The following EXT2 variants were observed in gnomAD, a reference collection of about 807,000 sequenced individuals.
The protein encoded by EXT2 is exostosin glycosyltransferase 2, also known as exostosin-2.
EXT2 carries 53 observed loss-of-function variants against 81.6 expected under a neutral mutation model. That is an observed-to-expected ratio of 0.65 (90% confidence interval 0.52 to 0.82). The LOEUF (loss-of-function observed/expected upper bound fraction) is 0.82, where lower values mean the gene tolerates loss of function less well. EXT2 is among the 40% of genes least tolerant of loss of function. The probability of loss-of-function intolerance (pLI) is 0.00; values close to 1 mark genes in which losing one functional copy is unlikely to be tolerated. For synonymous variants in EXT2, 320 were observed against 340.0 expected (o/e 0.94, Z 0.65); for missense variants, 774 against 910.2 (o/e 0.85, Z 1.93).
In EXT2 at chr11:44,108,135, C is replaced by A; in HGVS notation, c.423C>A (p.Asp141Glu). ...NELLMAISDSDYYTDDINRAC... is the reference protein window; with the variant it reads ...NELLMAISDSEYYTDDINRAC... Reference sequence around the variant, plus strand: ...TGCTCATGGCCATCTCAGACAGTGACTACTACACTGATGACATCAACCGGG... The same window carrying A: ...TGCTCATGGCCATCTCAGACAGTGAATACTACACTGATGACATCAACCGGG... The change falls in exon 2 of 14, where the codon GAC (aspartate) becomes GAA (glutamate). Residue 141 changes from aspartate to glutamate, a missense_variant. By Grantham distance (45) the Asp-to-Glu change is conservative. Coordinates refer to ENST00000533608, the MANE Select transcript of EXT2 (RefSeq NM_207122.2). 1 of 1,614,186 alleles carries A rather than the reference C, an allele frequency of 6.2e-7. No individual in the cohort carries two copies. The highest frequency in any genetic ancestry group is 8.5e-7 in the Non-Finnish European group (1 of 1,180,030).
intron 13 of EXT2, among the ~76,000 whole-genome samples, chr11:44,242,091 C>G (rs1020646590): frequency 1.3e-5 from 2 of 152,200 alleles, no homozygotes; most frequent in Non-Finnish European, 2.9e-5. Flanking sequence ...CCTCAATACT[C>G]TCTACAGGGC....
At chr11:44,226,958 C>T (rs984050701) in intron 10 of EXT2, among the ~76,000 whole-genome samples, 4 of 152,242 alleles carry the variant, frequency 2.6e-5, no homozygotes, top group Non-Finnish European at 5.9e-5. Flanking sequence ...TTCCATTTCT[C>T]TCACTACTTC....
At chr11:44,162,525 G>A (rs945956779) in intron 7 of EXT2, among the ~76,000 whole-genome samples, 2 of 145,784 alleles carry the variant, frequency 1.4e-5, no homozygotes, top group East Asian at 2.0e-4. Flanking sequence ...GCAGTGAGCC[G>A]AGATCGCACC....
intron 7 of EXT2, among the ~76,000 whole-genome samples, chr11:44,155,795 A>G (rs545648141): frequency 1.3e-5 from 2 of 152,152 alleles, no homozygotes; most frequent in Non-Finnish European, 2.9e-5. Flanking sequence ...GTGTTATAAT[A>G]TTCTGTGTGT....
At chr11:44,236,253 G>T in intron 12 of EXT2, 40 bp from the exon 13 acceptor site, 1 of 1,584,120 alleles carries the variant, frequency 6.3e-7, no homozygotes, top group South Asian at 1.1e-5. Flanking sequence ...TATTGTCCTT[G>T]ACACTGACAG....
At chr11:44,180,301 C>T (rs541613026) in intron 8 of EXT2, among the ~76,000 whole-genome samples, 9 of 152,112 alleles carry the variant, frequency 5.9e-5, no homozygotes, top group Non-Finnish European at 1.3e-4. Flanking sequence ...ACCGTTATGA[C>T]TGTGTCATCA....
intron 4 of EXT2, among the ~76,000 whole-genome samples, chr11:44,124,446 C>CAG (rs767125244): frequency 1.5e-4 from 8 of 51,886 alleles, no homozygotes; most frequent in East Asian, 6.8e-3. Context: ...TTCTCTCCTA[C>CAG]ACACACACAC....
At chr11:44,180,778 G>A (rs1955223412) in intron 8 of EXT2, among the ~76,000 whole-genome samples, 1 of 152,100 alleles carries the variant, frequency 6.6e-6, no homozygotes, top group Non-Finnish European at 1.5e-5. Flanking sequence ...TGGATGAAGG[G>A]AGATACATTT....
intron 10 of EXT2, among the ~76,000 whole-genome samples, chr11:44,217,996 A>G (rs1305748868): frequency 6.6e-6 from 1 of 152,214 alleles, no homozygotes; most frequent in Non-Finnish European, 1.5e-5. Flanking sequence ...TATTCATGTG[A>G]GAATACGAGT....
At chr11:44,098,632 T>C (rs1590536288) in intron 1 of EXT2, among the ~76,000 whole-genome samples, 1 of 149,834 alleles carries the variant, frequency 6.7e-6, no homozygotes, top group Admixed American at 6.6e-5. Flanking sequence ...GAGGCAGAGG[T>C]TGCAGTGAGC....
intron 11 of EXT2, 87 bp downstream of exon 11, chr11:44,232,583 A>G (rs1465678619): frequency 2.0e-6 from 3 of 1,536,918 alleles, no homozygotes; most frequent in Non-Finnish European, 2.7e-6. Flanking sequence ...CATACCTGCC[A>G]AGAGGGCTTA....
At chr11:44,222,301 T>C (rs1048105020) in intron 10 of EXT2, among the ~76,000 whole-genome samples, 2 of 152,290 alleles carry the variant, frequency 1.3e-5, no homozygotes, top group African/African-American at 4.8e-5. Context: ...ACAGCAGAGA[T>C]CTGGGCTTGA....
Position 44,124,706 on chromosome 11 carries a change from C to CG in EXT2, c.744-83_744-82insG, listed in dbSNP as rs200495080. ...AGACTGGTAAGGAAACACTTACTGT[C>CG]ATAAGTTTAATATCAAAGTTTGTCT... On this transcript the variant is annotated intron_variant, in intron 4 of 13. Coordinates refer to ENST00000533608, the MANE Select transcript of EXT2 (RefSeq NM_207122.2). 5.8e-3 allele frequency: 6,478 copies of CG among 1,126,530 alleles called. 289 individuals are homozygous for CG. In the African/African-American group the frequency reaches 0.086, roughly 15 times the overall value. 69.8% of individuals were successfully genotyped at this position (1,126,530 alleles called of 1,614,324 possible).
At chr11:44,115,015 C>T (rs936812780) in intron 4 of EXT2, among the ~76,000 whole-genome samples, 2 of 152,108 alleles carry the variant, frequency 1.3e-5, no homozygotes, top group Non-Finnish European at 2.9e-5. Flanking sequence ...TTGAAACCAC[C>T]TTCTGGGATG....
intron 7 of EXT2, among the ~76,000 whole-genome samples, chr11:44,165,035 C>G (rs934222679): frequency 1.3e-5 from 2 of 151,842 alleles, no homozygotes; most frequent in Non-Finnish European, 2.9e-5. Context: ...CCCGCCACCA[C>G]GCCCGGCTAA....
At chr11:44,187,726 C>A (rs371460192) in intron 8 of EXT2, among the ~76,000 whole-genome samples, 53 of 152,180 alleles carry the variant, frequency 3.5e-4, no homozygotes, top group Middle Eastern at 6.8e-3. Flanking sequence ...TATGTATTTT[C>A]TCTTGTTTAT....
chr11:44,121,958 C>T (rs145699122), intron 4 of EXT2, among the ~76,000 whole-genome samples: 45 of 152,222 alleles, frequency 3.0e-4, no homozygotes, highest in African/African-American at 9.4e-4. Flanking sequence ...GAACATTCCA[C>T]GTGCGCCTTC....
rs886199393 is a variant in EXT2 at position 44,217,647 on chromosome 11, G to T, written c.1662+10688G>T. 9.2e-5 allele frequency among the ~76,000 whole-genome samples: 14 copies of T among 152,308 alleles called. No individual in the cohort carries two copies. The East Asian group carries it at 2.7e-3, about 29-fold the overall frequency. On this transcript the variant is annotated intron_variant, in intron 10 of 13. Coordinates refer to ENST00000533608, the MANE Select transcript of EXT2 (RefSeq NM_207122.2). Reference sequence around the variant, plus strand: ...ACTCATTTGCGAGGGACTCCTAGGGGAACAGTAGCAGTGTATAGTGTTACT... The same window carrying T: ...ACTCATTTGCGAGGGACTCCTAGGGTAACAGTAGCAGTGTATAGTGTTACT...
intron 8 of EXT2, among the ~76,000 whole-genome samples, chr11:44,187,600 A>G (rs1955334502): frequency 6.6e-6 from 1 of 152,192 alleles, no homozygotes; most frequent in African/African-American, 2.4e-5. Context: ...GATAATTATA[A>G]GGTTGATAGT....
Sources: gnomAD v4.1 joint callset for allele counts (sites outside exome capture counted in the v4.1 genomes callset) on GRCh38, gnomAD v4.1.1 for gene constraint, MANE v1.5 for transcripts, NCBI Gene and HGNC (gene_info 2026-07-23, HGNC 2026-07-21) for gene names.